Variants in HS3ST6 observed in about 807,000 individuals in gnomAD.
HS3ST6 encodes heparan sulfate-glucosamine 3-sulfotransferase 6.
Under a neutral mutation model 11.0 loss-of-function variants are expected in HS3ST6, and 13 were observed. The observed-to-expected ratio is 1.18, with a 90% CI of 0.77 to 1.88. HS3ST6 has a LOEUF of 1.88. HS3ST6 is among the 40% of genes most tolerant of loss of function. The pLI is 0.00. For missense variants in HS3ST6, 541 were observed against 494.4 expected (o/e 1.09, Z -0.89); for synonymous variants, 232 against 230.6 (o/e 1.01, Z -0.06).
chr16:1,920,345 C>T (rs1436546353), upstream of HS3ST6, among the ~76,000 whole-genome samples: 5 of 106,816 alleles, frequency 4.7e-5, no homozygotes, highest in African/African-American at 1.4e-4. Flanking sequence ...GCCGTCCCCA[C>T]GGTCTGAGTC....
upstream of HS3ST6, among the ~76,000 whole-genome samples, chr16:1,920,502 C>G (rs2150848419): frequency 6.6e-6 from 1 of 152,334 alleles, no homozygotes; most frequent in East Asian, 1.9e-4. Flanking sequence ...ACTTGAAATT[C>G]CAGCACTGGT....
rs751187652 is a variant in HS3ST6, at chr16:1,917,960, C to T, written c.364G>A (p.Glu122Lys). The change falls in exon 1 of 2, where the codon GAG becomes AAG. Residue 122 changes from glutamate to lysine, a missense_variant. Transcript: ENST00000454677. ...LHPDVRALGS[E>K]PHFFDRCYER... Reference sequence around the variant, plus strand: ...TAGCACCTGTCGAAGAAGTGGGGCTCAGAGCCCAGCGCGCGGACGTCGGGG... The same window carrying T: ...TAGCACCTGTCGAAGAAGTGGGGCTTAGAGCCCAGCGCGCGGACGTCGGGG... 3 of 1,522,404 alleles carry T rather than the reference C, an allele frequency of 2.0e-6. No individual in the cohort carries two copies. Among genetic ancestry groups the T allele is most frequent in the South Asian group, 2.5e-5 (2 of 81,632 alleles). 94.3% of individuals were successfully genotyped at this position (1,522,404 alleles called of 1,614,324 possible). A position where few individuals can be genotyped will look rare whatever the true frequency, so the allele number is the denominator to read the frequency against.
upstream of HS3ST6, among the ~76,000 whole-genome samples, chr16:1,920,720 C>T (rs190684473): frequency 1.1e-3 from 160 of 152,256 alleles, no homozygotes; most frequent in Non-Finnish European, 4.6e-4. Context: ...GACCAGGAGT[C>T]GGCTCGGAGG....
chr16:1,911,913 G>T lies in HS3ST6; in HGVS notation c.706C>A (p.Leu236Met). 1 of 1,602,108 alleles carries T rather than the reference G, an allele frequency of 6.2e-7. No individual in the cohort carries two copies. The highest frequency in any genetic ancestry group is 2.2e-5 in the East Asian group (1 of 44,734). ...AAGTGGGACAGGGGGAAGTAGCGCA[G>T]CCAGTGGTCCAGGTGCTGGGCGTAC... Reference protein sequence around the residue: ...GLYAQHLDHWLRYFPLSHFLF... With the variant: ...GLYAQHLDHWMRYFPLSHFLF... The change falls in exon 2 of 2, where the codon CTG (leucine) becomes ATG (methionine). Residue 236 changes from leucine to methionine, a missense_variant. Coordinates refer to ENST00000454677, the MANE Select transcript of HS3ST6 (RefSeq NM_001009606.4).
Position 1,917,817 on chromosome 16 carries a change from C to T in HS3ST6, c.413+94G>A, listed in dbSNP as rs1047117014. On this transcript the variant is annotated intron_variant, in intron 1 of 1. Transcript: ENST00000454677. ...CACTGCCCGGAGCGCACCCCTGCTCCCTGGGAGGCAGGATATCGTGCCGCT... is the reference window on the plus strand; with the variant it reads ...CACTGCCCGGAGCGCACCCCTGCTCTCTGGGAGGCAGGATATCGTGCCGCT... The T allele has an allele frequency of 1.5e-5, 16 of 1,055,414 alleles. No homozygotes were observed. The Admixed American group carries it at 5.1e-4, about 34-fold the overall frequency. The allele number at this position is 1,055,414 out of a possible 1,614,324, so 65.4% of individuals were successfully genotyped here. A position where few individuals can be genotyped will look rare whatever the true frequency, so the allele number is the denominator to read the frequency against.
At chr16:1,915,080 G>T (rs1014149251) in intron 1 of HS3ST6, among the ~76,000 whole-genome samples, 1 of 152,094 alleles carries the variant, frequency 6.6e-6, no homozygotes, top group Non-Finnish European at 1.5e-5. Flanking sequence ...CCTGGGACTC[G>T]CAGATGCCAA....
intron 1 of HS3ST6, among the ~76,000 whole-genome samples, chr16:1,917,430 G>C (rs1430860479): frequency 4.6e-5 from 7 of 152,158 alleles, no homozygotes; most frequent in Non-Finnish European, 1.0e-4. Flanking sequence ...CCACCAACAA[G>C]GGTTCCTGTG....
intron 1 of HS3ST6, among the ~76,000 whole-genome samples, chr16:1,916,640 C>A (rs1383582756): frequency 6.6e-6 from 1 of 152,126 alleles, no homozygotes; most frequent in Non-Finnish European, 1.5e-5. Context: ...CACCCCCAGT[C>A]TCTTGCTGTC....
chr16:1,913,472 C>T (rs2082905798), intron 1 of HS3ST6, among the ~76,000 whole-genome samples: 2 of 152,236 alleles, frequency 1.3e-5, no homozygotes, highest in African/African-American at 4.8e-5. Flanking sequence ...CGGGCAGCAC[C>T]TGCCAGCCAG....
Position 1,911,663 on chromosome 16 carries a change from C to T in HS3ST6, c.956G>A (p.Arg319His), listed in dbSNP as rs372384944. ...GAAGGGCCGGTAGAACTCCTGCAGG[C>T]GCCGGACCAGGGCCTGGGGCACGCG... The part of the protein sequence containing the change: ...HPRVPQALVR[R>H]LQEFYRPFNR... Residue 319 changes from arginine to histidine, a missense_variant, in exon 2 of 2, where the codon CGC (arginine) becomes CAC (histidine). Arg to His is a conservative substitution (Grantham distance 29). Coordinates refer to ENST00000454677, the MANE Select transcript of HS3ST6 (RefSeq NM_001009606.4). 39 of 1,610,508 alleles carry T rather than the reference C, an allele frequency of 2.4e-5. No individual in the cohort carries two copies. In the East Asian group the frequency reaches 6.7e-4, roughly 28 times the overall value.
rs1472985331 is a variant in HS3ST6 at position 1,918,142 on chromosome 16, G to A, written c.182C>T (p.Ala61Val). The change falls in exon 1 of 2, where the codon GCC becomes GTC. Residue 61 changes from alanine (A) to valine (V), a missense_variant. By Grantham distance (64) the Ala-to-Val change is moderately conservative (BLOSUM62 0). Coordinates refer to ENST00000454677, the MANE Select transcript of HS3ST6 (RefSeq NM_001009606.4). This position sits in a 1 kb window ranked among gnomAD's most constrained non-coding sequence, Gnocchi z 6.0. ...CPPAARAPAP[A>V]PAPSEPSSSV... is the part of the protein sequence containing the mutation. ...GCTGGACGGCTCGGAGGGCGCGGGG[G>A]CCGGCGCGGGGGCGCGGGCGGCCGG... 11 of 1,195,102 alleles carry A rather than the reference G, an allele frequency of 9.2e-6. No individual in the cohort carries two copies. The highest frequency in any genetic ancestry group is 3.3e-4 in the Middle Eastern group (1 of 3,052). 74.0% of individuals were successfully genotyped at this position (1,195,102 alleles called of 1,614,324 possible). A position where few individuals can be genotyped will look rare whatever the true frequency, so the allele number is the denominator to read the frequency against.
rs998696283 is a variant in HS3ST6 at position 1,918,176 on chromosome 16, G to T, written c.148C>A (p.Arg50Ser). The change falls in exon 1 of 2, where the codon CGC becomes AGC. Residue 50 changes from arginine to serine, a missense_variant. By Grantham distance (110) the Arg-to-Ser change is moderately radical. Transcript: ENST00000454677. This position sits in a 1 kb window ranked among gnomAD's most constrained non-coding sequence, Gnocchi z 6.0. ...GAYCLCALPG[R>S]CPPAARAPAP... is the part of the protein sequence containing the mutation. ...GGGGCGCGGGCGGCCGGCGGGCAGC[G>T]GCCGGGGAGGGCGCAGAGGCAGTAG... 3 of 1,096,140 alleles carry T rather than the reference G, an allele frequency of 2.7e-6. No homozygotes were observed. Among genetic ancestry groups the T allele is most frequent in the Admixed American group, 5.1e-5 (1 of 19,456 alleles). 67.9% of individuals were successfully genotyped at this position (1,096,140 alleles called of 1,614,324 possible). A position where few individuals can be genotyped will look rare whatever the true frequency, so the allele number is the denominator to read the frequency against.
chr16:1,919,913 ATTC>A (rs932005537), upstream of HS3ST6, among the ~76,000 whole-genome samples: 3 of 151,996 alleles, frequency 2.0e-5, no homozygotes, highest in East Asian at 1.9e-4. Flanking sequence ...GTCACAGGAA[ATTC>A]TTCTTCTGGT....
In HS3ST6 at chr16:1,912,106, G is replaced by A; in HGVS notation, c.513C>T (p.Ser171=). Residue 171 remains serine (S), a synonymous_variant, in exon 2 of 2, where the codon TCC becomes TCT. Transcript: ENST00000454677. This position sits in a 1 kb window ranked among gnomAD's most constrained non-coding sequence, Gnocchi z 5.6. ...CCACCACGATCAGCTTCGTGTCCGG[G>A]GACATGGCGTGGATGCGGCGGGGGG... The part of the protein sequence containing the change: ...REAPRRIHAM[S]PDTKLIVVVR... The A allele has an allele frequency of 6.6e-7, 1 of 1,506,756 alleles. No homozygotes were observed. Among genetic ancestry groups the A allele is most frequent in the Non-Finnish European group, 8.9e-7 (1 of 1,129,772 alleles). 93.3% of individuals were successfully genotyped at this position (1,506,756 alleles called of 1,614,324 possible).
Position 1,911,524 on chromosome 16 carries a change from C to T in HS3ST6, c.*66G>A. The stretch of plus-strand genomic sequence containing the variant: ...AATATTCCTCTCTGCCCAGCATGTG[C>T]ACGCAGCCCGCTCTGGCCAGGCGAG... On this transcript the variant is annotated 3_prime_UTR_variant, in exon 2 of 2. Coordinates refer to ENST00000454677, the MANE Select transcript of HS3ST6 (RefSeq NM_001009606.4). 1 of 1,453,116 alleles carries T rather than the reference C, an allele frequency of 6.9e-7. No homozygotes were observed. The highest frequency in any genetic ancestry group is 9.1e-7 in the Non-Finnish European group (1 of 1,097,368). The allele number at this position is 1,453,116 out of a possible 1,614,324, so 90.0% of individuals were successfully genotyped here. A position where few individuals can be genotyped will look rare whatever the true frequency, so the allele number is the denominator to read the frequency against.
At chr16:1,920,694 G>C (rs953583652), upstream of HS3ST6, among the ~76,000 whole-genome samples, 1 of 152,150 alleles carries the variant, frequency 6.6e-6, no homozygotes, top group Non-Finnish European at 1.5e-5. Flanking sequence ...TGGGGACAGG[G>C]AGAGAGAGAT....
rs775273137 is a variant in HS3ST6 at position 1,911,999 on chromosome 16, A to G, written c.620T>C (p.Leu207Pro). 1.3e-6 allele frequency: 2 copies of G among 1,533,248 alleles called. 1 individual carries two copies. The highest frequency in any genetic ancestry group is 2.6e-5 in the South Asian group (2 of 77,978). The allele number at this position is 1,533,248 out of a possible 1,614,324, so 95.0% of individuals were successfully genotyped here. A position where few individuals can be genotyped will look rare whatever the true frequency, so the allele number is the denominator to read the frequency against. The change falls in exon 2 of 2, where the codon CTG (leucine) becomes CCG (proline). Residue 207 changes from leucine (L) to proline (P), a missense_variant. By Grantham distance (98) the Leu-to-Pro change is moderately conservative. Coordinates refer to ENST00000454677, the MANE Select transcript of HS3ST6 (RefSeq NM_001009606.4). ...KTPGLPSFRA[L>P]AFRHGLGPVD... The stretch of plus-strand genomic sequence containing the variant: ...GGGGCCCAGGCCGTGGCGGAAGGCC[A>G]GGGCGCGGAAGCTGGGCAGGCCCGG...
At chr16:1,918,663 G>A (rs915879984), upstream of HS3ST6, among the ~76,000 whole-genome samples, 1 of 152,096 alleles carries the variant, frequency 6.6e-6, no homozygotes, top group Non-Finnish European at 1.5e-5. The surrounding 1 kb of genome is among the most constrained non-coding windows in gnomAD (Gnocchi z 6.0). Context: ...TGCGCGGGGA[G>A]GATGCGGCGG....
At chr16:1,913,293 G>T (rs1395269580) in intron 1 of HS3ST6, among the ~76,000 whole-genome samples, 1 of 152,208 alleles carries the variant, frequency 6.6e-6, no homozygotes, top group Admixed American at 6.5e-5. Flanking sequence ...AGGCCAGGGA[G>T]GGGGCCTTTC....
Sources: allele counts gnomAD v4.1 joint callset (sites outside exome capture counted in the v4.1 genomes callset), GRCh38; gene constraint gnomAD v4.1.1; non-coding constraint Gnocchi (gnomAD v3.1); transcripts MANE v1.5; gene names NCBI Gene and HGNC (gene_info 2026-07-23, HGNC 2026-07-21).